SLC25A29: variants seen among roughly 807,000 people sequenced by gnomAD.
The protein encoded by SLC25A29 is solute carrier family 25 member 29, also known as mitochondrial basic amino acids transporter.
A neutral mutation model predicts 10.0 loss-of-function variants in SLC25A29; 13 were observed. The observed-to-expected ratio is 1.30, with a 90% confidence interval of 0.85 to 2.07. SLC25A29 has a LOEUF of 2.07. Ranked by LOEUF, SLC25A29 falls within the 30% of genes most tolerant of loss-of-function variation. SLC25A29 has a pLI of 0.00. For synonymous variants in SLC25A29, 244 were observed against 221.1 expected (o/e 1.10, Z -0.92); for missense variants, 475 against 447.6 (o/e 1.06, Z -0.55).
At chr14:100,303,557 G>A (rs887167382) in intron 1 of SLC25A29, among the ~76,000 whole-genome samples, 7 of 152,210 alleles carry the variant, frequency 4.6e-5, no homozygotes, top group Non-Finnish European at 5.9e-5. Context: ...AGCACCCTTC[G>A]GCGAGGGGCT....
chr14:100,285,696 G>T, the SLC25A29 span, among the ~76,000 whole-genome samples: 1 of 152,084 alleles, frequency 6.6e-6, no homozygotes, highest in East Asian at 1.9e-4. Context: ...TCGGGCGGAG[G>T]AGACTCCCGC....
At chr14:100,305,830 C>G in intron 1 of SLC25A29, 1 of 234,058 alleles carries the variant, frequency 4.3e-6, no homozygotes. Context: ...GGGAGGGGAC[C>G]CTGCTCCCAG....
In SLC25A29 at chr14:100,292,449, C is replaced by CG; in HGVS notation, c.745dup (p.Arg249ProfsTer74). 1 of 1,579,002 alleles carries CG rather than the reference C, an allele frequency of 6.3e-7. No individual in the cohort carries two copies. The highest frequency in any genetic ancestry group is 8.6e-7 in the Non-Finnish European group (1 of 1,164,606). On this transcript the variant is annotated frameshift_variant, in exon 4 of 4. Transcript: ENST00000359232. LOFTEE classifies it low-confidence loss of function (END_TRUNC). ...GCGCAGCAGCGTGGACGCCAGCCCCCGTGTGAAGACGCGCCAGCCCTCGGC... is the reference window on the plus strand; with the variant it reads ...GCGCAGCAGCGTGGACGCCAGCCCCCGGTGTGAAGACGCGCCAGCCCTCGGC...
downstream of SLC25A29, among the ~76,000 whole-genome samples, chr14:100,288,706 C>T (rs1298529715): frequency 1.3e-5 from 2 of 151,942 alleles, no homozygotes; most frequent in East Asian, 1.9e-4. Flanking sequence ...TCTGCTCAGA[C>T]GTGTCCCCCA....
At chr14:100,303,801 A>G (rs1892723749) in intron 1 of SLC25A29, among the ~76,000 whole-genome samples, 1 of 152,068 alleles carries the variant, frequency 6.6e-6, no homozygotes, top group Non-Finnish European at 1.5e-5. Context: ...CGGGGTGGGG[A>G]GGAACCACTG....
chr14:100,304,730 G>A (rs2139808109), intron 1 of SLC25A29, among the ~76,000 whole-genome samples: 1 of 152,360 alleles, frequency 6.6e-6, no homozygotes, highest in South Asian at 2.1e-4. Flanking sequence ...CGAGCGACGT[G>A]CAGAGGAGAC....
At chr14:100,296,138 T>C (rs1892131953) in intron 2 of SLC25A29, 1 of 851,190 alleles carries the variant, frequency 1.2e-6, no homozygotes, top group Non-Finnish European at 1.6e-6. Flanking sequence ...ACCCGTGGTG[T>C]TGGAAGTGAG....
At chr14:100,283,159 C>T in the SLC25A29 span, among the ~76,000 whole-genome samples, 3 of 152,226 alleles carry the variant, frequency 2.0e-5, no homozygotes, top group Admixed American at 1.3e-4. Flanking sequence ...AGAACTTGAC[C>T]AAATACACTG....
At chr14:100,294,980 T>G (rs1380337486) in intron 2 of SLC25A29, 8 of 152,350 alleles carry the variant, frequency 5.3e-5, no homozygotes, top group African/African-American at 1.9e-4. Context: ...TCTCTGTTCC[T>G]CCTGCAGCCC....
At chr14:100,293,880 G>A (rs969631275) in intron 2 of SLC25A29, 1 of 154,326 alleles carries the variant, frequency 6.5e-6, no homozygotes, top group African/African-American at 2.4e-5. Context: ...AACACTTTGG[G>A]AGGCTGAGGT....
chr14:100,293,457 A>G lies in SLC25A29; in HGVS notation c.79-80T>C, dbSNP rs564714715. The G allele has an allele frequency of 1.0e-3, 1,402 of 1,363,572 alleles. 2 individuals carry two copies. The highest frequency in any genetic ancestry group is 1.3e-3 in the Non-Finnish European group (1,283 of 971,754). 84.5% of individuals were successfully genotyped at this position (1,363,572 alleles called of 1,614,324 possible). On this transcript the variant is annotated intron_variant, in intron 2 of 3. Coordinates refer to ENST00000359232, the MANE Select transcript of SLC25A29 (RefSeq NM_001039355.3). ...CCCGGGTCTGGTGCTTAGGCTGCCT[A>G]GGAGGGTCTCCCAAGGAGGCCGGGC...
intron 1 of SLC25A29, among the ~76,000 whole-genome samples, chr14:100,301,684 C>T (rs8019432): frequency 0.69 from 103,664 of 150,674 alleles, 35,792 homozygotes; most frequent in East Asian, 0.74. Flanking sequence ...TAATTTTTTG[C>T]ATATTTAGTA....
intron 1 of SLC25A29, among the ~76,000 whole-genome samples, chr14:100,300,373 A>T (rs1167924396): frequency 6.6e-6 from 1 of 152,120 alleles, no homozygotes. Context: ...GTTTTGTCCA[A>T]CTTGTAATTT....
the SLC25A29 span, among the ~76,000 whole-genome samples, chr14:100,284,811 G>C: frequency 1.3e-5 from 2 of 152,158 alleles, no homozygotes; most frequent in African/African-American, 4.8e-5. Context: ...AGGCCGAGGC[G>C]GGCAGATCAC....
chr14:100,282,351 C>G, the SLC25A29 span: 1 of 152,042 alleles, frequency 6.6e-6, no homozygotes, highest in African/African-American at 2.4e-5. Context: ...TTGCTGTGCT[C>G]TGTTCTGTCT....
At chr14:100,301,022 C>A (rs537292502) in intron 1 of SLC25A29, among the ~76,000 whole-genome samples, 3 of 152,168 alleles carry the variant, frequency 2.0e-5, no homozygotes, top group Non-Finnish European at 4.4e-5. Flanking sequence ...GCCTCAGCCT[C>A]CCGAGTAGCT....
the SLC25A29 span, among the ~76,000 whole-genome samples, chr14:100,285,820 C>T: frequency 6.6e-6 from 1 of 152,152 alleles, no homozygotes; most frequent in Non-Finnish European, 1.5e-5. Context: ...CCCCCCTTCC[C>T]CCCGGTGGAG....
At chr14:100,303,181 C>A (rs1047793271) in intron 1 of SLC25A29, among the ~76,000 whole-genome samples, 1 of 152,224 alleles carries the variant, frequency 6.6e-6, no homozygotes, top group Non-Finnish European at 1.5e-5. Context: ...TTTTCTAAAG[C>A]TGAAAATCCT....
intron 1 of SLC25A29, among the ~76,000 whole-genome samples, chr14:100,303,950 T>C (rs1892735882): frequency 6.6e-6 from 1 of 152,194 alleles, no homozygotes; most frequent in Non-Finnish European, 1.5e-5. Context: ...CCAGTGTCTA[T>C]GTGGCCTCAA....
Sources: allele counts gnomAD v4.1 joint callset (sites outside exome capture counted in the v4.1 genomes callset), GRCh38; gene constraint gnomAD v4.1.1; transcripts MANE v1.5; gene names NCBI Gene and HGNC (gene_info 2026-07-23, HGNC 2026-07-21).